The following ARMH1 variants were observed in gnomAD, a reference collection of about 807,000 sequenced individuals.
ARMH1 encodes armadillo like helical domain containing 1.
Under a neutral mutation model 50.2 loss-of-function variants are expected in ARMH1, and 34 were observed. The ratio of observed to expected loss-of-function variants is 0.68; its 90% CI spans 0.51 to 0.90. ARMH1 has a LOEUF of 0.90. Among genes scored for constraint, ARMH1 ranks in the 40% least tolerant of loss-of-function variants. ARMH1 has a pLI of 0.00. For missense variants in ARMH1, 538 were observed against 553.9 expected (o/e 0.97, Z 0.29); for synonymous variants, 221 against 224.2 (o/e 0.99, Z 0.13).
chr1:44,693,447 G>T (rs1316475631), intron 2 of ARMH1, among the ~76,000 whole-genome samples: 2 of 151,984 alleles, frequency 1.3e-5, no homozygotes, highest in African/African-American at 2.4e-5. Context: ...TCATGGATTT[G>T]TTGTTGTTGT....
In ARMH1 at chr1:44,700,941, A is replaced by C. The variant is rs958132183; in HGVS notation, c.461A>C (p.Glu154Ala). 1 of 1,550,796 alleles carries C rather than the reference A, an allele frequency of 6.4e-7. No individual in the cohort carries two copies. The highest frequency in any genetic ancestry group is 1.4e-5 in the African/African-American group (1 of 72,984). Residue 154 changes from glutamate to alanine, a missense_variant, in exon 5 of 12, where the codon GAA (glutamate) becomes GCA (alanine). Glu to Ala is a moderately radical substitution (Grantham distance 107, BLOSUM62 -1). Coordinates refer to ENST00000535358, the MANE Select transcript of ARMH1 (RefSeq NM_001145636.2). ...TGCTCAGGTGTACGATCCATAGCAG[A>C]ATTTTTGGCAAAGTCTAAGTCAGAA... is the stretch of plus-strand genomic sequence containing the variant. The part of the protein sequence containing the change: ...CESYGVRSIA[E>A]FLAKSKSEET...
Position 44,706,183 on chromosome 1 carries a change from G to A in ARMH1, c.724+2010G>A, listed in dbSNP as rs951398337. Among the ~76,000 whole-genome samples the A allele has an allele frequency of 2.0e-5, 3 of 152,180 alleles. No homozygotes were observed. The South Asian group carries it at 6.2e-4, about 31-fold the overall frequency. On this transcript the variant is annotated intron_variant, in intron 6 of 11. Coordinates refer to ENST00000535358, the MANE Select transcript of ARMH1 (RefSeq NM_001145636.2). ...GCCTGGGTGGTGCTATGCCAGGTGG[G>A]CCAGAGCCACAGGGAACCACTTGAG...
rs1648113194 is a variant in ARMH1, at chr1:44,725,220, G to C, written c.1210+3G>C. ...CAACACAGTCAATGTTACCAAAGGT[G>C]AGTGTGGGACGAGGGAAGCCGGGCG... On this transcript the variant is annotated splice_donor_region_variant and intron_variant, in intron 11 of 11. Transcript: ENST00000535358. 3.2e-6 allele frequency: 5 copies of C among 1,551,916 alleles called. No homozygotes were observed. Among genetic ancestry groups the C allele is most frequent in the Non-Finnish European group, 4.4e-6 (5 of 1,147,040 alleles).
In ARMH1 at chr1:44,724,678, G is replaced by T; in HGVS notation, c.1050+10G>T. On this transcript the variant is annotated intron_variant, in intron 9 of 11. Transcript: ENST00000535358. This position sits in a 1 kb window ranked among gnomAD's most constrained non-coding sequence, Gnocchi z 6.4. Reference sequence around the variant, plus strand: ...CAGCCTCACGCTGGAGGTGCGCGCGGCGGCTGGTTAGGGGGCGGGAAGGGC... The same window carrying T: ...CAGCCTCACGCTGGAGGTGCGCGCGTCGGCTGGTTAGGGGGCGGGAAGGGC... 6.7e-7 allele frequency: 1 copy of T among 1,485,878 alleles called. No homozygotes were observed. Among genetic ancestry groups the T allele is most frequent in the Non-Finnish European group, 8.9e-7 (1 of 1,124,854 alleles). 92.0% of individuals were successfully genotyped at this position (1,485,878 alleles called of 1,614,324 possible).
intron 6 of ARMH1, among the ~76,000 whole-genome samples, chr1:44,714,383 C>G (rs547218127): frequency 6.6e-6 from 1 of 150,790 alleles, no homozygotes; most frequent in Non-Finnish European, 1.5e-5. Context: ...GTCGGAAGTT[C>G]GAGACCACCC....
At chr1:44,710,231 A>T (rs1299210099) in intron 6 of ARMH1, among the ~76,000 whole-genome samples, 1 of 152,158 alleles carries the variant, frequency 6.6e-6, no homozygotes, top group Non-Finnish European at 1.5e-5. Context: ...TGGTCGCAAG[A>T]ACCTCATTGT....
chr1:44,724,211 GA>G lies in ARMH1; in HGVS notation c.815del (p.Glu272GlyfsTer43). 6.4e-7 allele frequency: 1 copy of G among 1,551,710 alleles called. No individual in the cohort carries two copies. Among genetic ancestry groups the G allele is most frequent in the South Asian group, 1.2e-5 (1 of 84,056 alleles). ...GGCGCTGCTGATACCGTCGGTCAAGGAGATCTCCAAACTGCAGGCCAAGATC... is the reference window on the plus strand; with the variant it reads ...GGCGCTGCTGATACCGTCGGTCAAGGGATCTCCAAACTGCAGGCCAAGATC... ...LVALLIPSVKEISKLQAKILS... is the reference protein window; with the variant it reads ...LVALLIPSVKXISKLQAKILS... On this transcript the variant is annotated frameshift_variant, in exon 7 of 12. Transcript: ENST00000535358. LOFTEE classifies it high-confidence loss of function. The surrounding 1 kb of genome is among the most constrained non-coding windows in gnomAD (Gnocchi z 6.4).
chr1:44,689,494 C>T (rs1015261667), intron 1 of ARMH1, among the ~76,000 whole-genome samples, 182 bp from the exon 2 acceptor site: 13 of 152,178 alleles, frequency 8.5e-5, no homozygotes, highest in Non-Finnish European at 1.8e-4. Context: ...AATCCCATTA[C>T]ACTCCAGCTA....
At chr1:44,709,047 A>G (rs1173019238) in intron 6 of ARMH1, among the ~76,000 whole-genome samples, 2 of 152,122 alleles carry the variant, frequency 1.3e-5, no homozygotes, top group Non-Finnish European at 2.9e-5. Flanking sequence ...GCATTTAGGG[A>G]TGTACACCCC....
rs142440874 is a variant in ARMH1 at position 44,690,980 on chromosome 1, C to T, written c.206+1077C>T. On this transcript the variant is annotated intron_variant, in intron 2 of 11. Coordinates refer to ENST00000535358, the MANE Select transcript of ARMH1 (RefSeq NM_001145636.2). ...GCTTCTTGAAAAGGTTGTTGAGGGG[C>T]GGGGCGCGGTGACTCACGCCTGTAA... 8.1e-3 allele frequency among the ~76,000 whole-genome samples: 1,218 copies of T among 150,116 alleles called. 17 individuals are homozygous for T. The highest frequency in any genetic ancestry group is 0.028 in the African/African-American group (1,147 of 41,038).
intron 6 of ARMH1, among the ~76,000 whole-genome samples, chr1:44,716,145 AT>A (rs67697786): frequency 0.19 from 28,767 of 147,786 alleles, 3,101 homozygotes; most frequent in East Asian, 0.48. Flanking sequence ...CTAGGTGTCA[AT>A]TTTTTTTTTT....
rs1266941142 is a variant in ARMH1, at chr1:44,724,402, C to A, written c.920+10C>A. 8 of 1,548,556 alleles carry A rather than the reference C, an allele frequency of 5.2e-6. No individual in the cohort carries two copies. Among genetic ancestry groups the A allele is most frequent in the Non-Finnish European group, 7.0e-6 (8 of 1,146,732 alleles). On this transcript the variant is annotated intron_variant, in intron 8 of 11. Coordinates refer to ENST00000535358, the MANE Select transcript of ARMH1 (RefSeq NM_001145636.2). The surrounding 1 kb of genome is among the most constrained non-coding windows in gnomAD (Gnocchi z 6.4). ...CCGCCAAGGCCATCGGGTAAGCGGG[C>A]AGGGGTTAGTGGGTAGCTGCAGCAA...
chr1:44,683,322 C>T lies in ARMH1; in HGVS notation c.-22-6354C>T, dbSNP rs1037091960. Among the ~76,000 whole-genome samples the T allele has an allele frequency of 5.2e-4, 79 of 152,256 alleles. No homozygotes were observed. Among genetic ancestry groups the T allele is most frequent in the African/African-American group, 1.8e-3 (76 of 41,552 alleles). On this transcript the variant is annotated intron_variant, in intron 1 of 11. Coordinates refer to ENST00000535358, the MANE Select transcript of ARMH1 (RefSeq NM_001145636.2). This position sits in a 1 kb window ranked among gnomAD's most constrained non-coding sequence, Gnocchi z 4.2. ...ATACCAGTGAAGAGTCTGCCGGTCACTTAAGTACATAAAGAGATCTGGAGC... is the reference window on the plus strand; with the variant it reads ...ATACCAGTGAAGAGTCTGCCGGTCATTTAAGTACATAAAGAGATCTGGAGC...
intron 1 of ARMH1, chr1:44,688,228 G>C (rs1193648693): frequency 6.6e-6 from 1 of 152,304 alleles, no homozygotes; most frequent in Non-Finnish European, 1.5e-5. Context: ...GGTTCTTAAG[G>C]CCAGCTAGAT....
intron 1 of ARMH1, among the ~76,000 whole-genome samples, chr1:44,676,998 T>C (rs1291269438): frequency 1.3e-5 from 2 of 152,154 alleles, no homozygotes; most frequent in Admixed American, 6.5e-5. Flanking sequence ...GGAACATTTG[T>C]TTTGTGGCAG....
At position 44,683,627 on chromosome 1, in the gene ARMH1, GACA is replaced by G. The variant is rs1210417005; in HGVS notation, c.-22-6045_-22-6043del. Among the ~76,000 whole-genome samples, 7 of 152,294 alleles carry G rather than the reference GACA, an allele frequency of 4.6e-5. No individual in the cohort carries two copies. The South Asian group carries it at 1.4e-3, about 32-fold the overall frequency. ...GACGGTGAGCTAAACCACTAAATCT[GACA>G]ACAGGAGATTATTGGTGACACCTTG... is the stretch of plus-strand genomic sequence containing the variant. On this transcript the variant is annotated intron_variant, in intron 1 of 11. Transcript: ENST00000535358. The surrounding 1 kb of genome is among the most constrained non-coding windows in gnomAD (Gnocchi z 4.2).
chr1:44,724,425 C>A lies in ARMH1; in HGVS notation c.920+33C>A, dbSNP rs1193678101. 3.2e-6 allele frequency: 5 copies of A among 1,544,176 alleles called. No individual in the cohort carries two copies. Among genetic ancestry groups the A allele is most frequent in the Non-Finnish European group, 4.4e-6 (5 of 1,145,224 alleles). On this transcript the variant is annotated intron_variant, in intron 8 of 11. Transcript: ENST00000535358. This position sits in a 1 kb window ranked among gnomAD's most constrained non-coding sequence, Gnocchi z 6.4. ...GGCAGGGGTTAGTGGGTAGCTGCAG[C>A]AAGCCTGGCTTGGCGCTGCCGGCGG...
intron 1 of ARMH1, among the ~76,000 whole-genome samples, chr1:44,675,420 G>GAAGGC (rs1269668631): frequency 6.6e-6 from 1 of 152,198 alleles, no homozygotes; most frequent in Non-Finnish European, 1.5e-5. Context: ...CAGCACTTTG[G>GAAGGC]AAGGCCAAGA....
chr1:44,724,216 C>G lies in ARMH1; in HGVS notation c.819C>G (p.Ile273Met). 1.3e-6 allele frequency: 2 copies of G among 1,551,754 alleles called. No individual in the cohort carries two copies. Among genetic ancestry groups the G allele is most frequent in the Non-Finnish European group, 1.7e-6 (2 of 1,146,996 alleles). ...TGCTGATACCGTCGGTCAAGGAGAT[C>G]TCCAAACTGCAGGCCAAGATCCTCA... ...VALLIPSVKE[I>M]SKLQAKILSD... Residue 273 changes from isoleucine (I) to methionine (M), a missense_variant, in exon 7 of 12, where the codon ATC becomes ATG. Coordinates refer to ENST00000535358, the MANE Select transcript of ARMH1 (RefSeq NM_001145636.2). This position sits in a 1 kb window ranked among gnomAD's most constrained non-coding sequence, Gnocchi z 6.4.
Sources: allele counts gnomAD v4.1 joint callset (sites outside exome capture counted in the v4.1 genomes callset), GRCh38; gene constraint gnomAD v4.1.1; non-coding constraint Gnocchi (gnomAD v3.1); transcripts MANE v1.5; gene names NCBI Gene and HGNC (gene_info 2026-07-23, HGNC 2026-07-21).